Variants in EXOG observed in about 807,000 individuals in gnomAD.
EXOG encodes exo/endonuclease G.
A neutral mutation model predicts 25.8 loss-of-function variants in EXOG; 27 were observed. That is an observed-to-expected ratio of 1.05 (90% confidence interval 0.77 to 1.45). The LOEUF is 1.45. Among genes scored for constraint, EXOG ranks in the 40% most tolerant of loss-of-function variants. EXOG has a pLI of 0.00. For missense variants in EXOG, 458 were observed against 450.5 expected (o/e 1.02, Z -0.15); for synonymous variants, 133 against 167.0 (o/e 0.80, Z 1.57).
chr3:38,503,862 C>T (rs1451107264), intron 4 of EXOG, among the ~76,000 whole-genome samples, 171 bp downstream of exon 4: 1 of 152,154 alleles, frequency 6.6e-6, no homozygotes, highest in African/African-American at 2.4e-5. Flanking sequence ...GTACAGCCTT[C>T]TACAGAAGAT....
In EXOG at chr3:38,526,030, C is replaced by T. The variant is rs1007010721; in HGVS notation, c.*1668C>T. 7 of 985,252 alleles carry T rather than the reference C, an allele frequency of 7.1e-6. No individual in the cohort carries two copies. Among genetic ancestry groups the T allele is most frequent in the Non-Finnish European group, 8.4e-6 (7 of 829,880 alleles). The allele number at this position is 985,252 out of a possible 1,614,324, so 61.0% of individuals were successfully genotyped here. On this transcript the variant is annotated 3_prime_UTR_variant, in exon 6 of 6. Transcript: ENST00000287675. ...CCTGTGTGCCTGCTTGTCTACCTAGCATAGTAGGCCAAAGGTCCAAAGGCA... is the reference window on the plus strand; with the variant it reads ...CCTGTGTGCCTGCTTGTCTACCTAGTATAGTAGGCCAAAGGTCCAAAGGCA...
chr3:38,506,841 A>T lies in EXOG; in HGVS notation c.531-13A>T, dbSNP rs933376538. On this transcript the variant is annotated splice_polypyrimidine_tract_variant and intron_variant, in intron 4 of 5. Transcript: ENST00000287675. Reference sequence around the variant, plus strand: ...ATGTGAGAATATCATACATTTTTTTATTTGTTTTTCAGAATAGAAATGTAC... The same window carrying T: ...ATGTGAGAATATCATACATTTTTTTTTTTGTTTTTCAGAATAGAAATGTAC... 6.0e-6 allele frequency: 8 copies of T among 1,331,226 alleles called. No homozygotes were observed. The highest frequency in any genetic ancestry group is 4.3e-5 in the African/African-American group (3 of 69,138). 82.5% of individuals were successfully genotyped at this position (1,331,226 alleles called of 1,614,324 possible).
intron 2 of EXOG, chr3:38,498,836 G>A (rs2059966603): frequency 2.3e-6 from 1 of 435,798 alleles, no homozygotes; most frequent in Non-Finnish European, 4.7e-6. Flanking sequence ...GAAGTAAGCA[G>A]GTGTGTCAGT....
At chr3:38,514,778 C>CCCTCTT (rs552262186) in intron 5 of EXOG, among the ~76,000 whole-genome samples, 1 of 113,608 alleles carries the variant, frequency 8.8e-6, no homozygotes, top group Non-Finnish European at 1.7e-5. Context: ...CCTCCCCCTG[C>CCCTCTT]TTTTTTTTTT....
At chr3:38,501,189 C>T in intron 2 of EXOG, 166 bp from the exon 3 acceptor site, 1 of 595,128 alleles carries the variant, frequency 1.7e-6, no homozygotes, top group Non-Finnish European at 3.0e-6. Flanking sequence ...TTTCTAAATT[C>T]AGATGAAGTA....
In EXOG at chr3:38,524,112, G is replaced by T; in HGVS notation, c.857G>T (p.Arg286Ile). 6.2e-7 allele frequency: 1 copy of T among 1,613,824 alleles called. No individual in the cohort carries two copies. The highest frequency in any genetic ancestry group is 1.1e-5 in the South Asian group (1 of 91,070). The change falls in exon 6 of 6, where the codon AGA becomes ATA. Residue 286 changes from arginine (R) to isoleucine (I), a missense_variant. Arg to Ile is a moderately conservative substitution (Grantham distance 97). Around this residue, in one of 3 missense-constraint regions of EXOG, gnomAD observed 178 missense variants for 203.7 expected, o/e 0.87. Transcript: ENST00000287675. ...CTGGTGTTTTTTCCTCATTTGGATAGAACTAGTGATATCCGGAATATCTGC... is the reference window on the plus strand; with the variant it reads ...CTGGTGTTTTTTCCTCATTTGGATATAACTAGTGATATCCGGAATATCTGC... ...SGLVFFPHLD[R>I]TSDIRNICSV...
intron 5 of EXOG, among the ~76,000 whole-genome samples, chr3:38,511,543 C>T (rs1197713269): frequency 1.3e-5 from 2 of 152,178 alleles, no homozygotes; most frequent in African/African-American, 4.8e-5. Context: ...GTTAATTTGA[C>T]ATGTCTCCTC....
At chr3:38,503,774 GTTT>G in intron 4 of EXOG, 83 bp downstream of exon 4, 1 of 797,796 alleles carries the variant, frequency 1.3e-6, no homozygotes, top group Non-Finnish European at 2.1e-6. Flanking sequence ...CCTATTAGCT[GTTT>G]CTGTCTTTGT....
chr3:38,496,377 A>C lies in EXOG; in HGVS notation c.10A>C (p.Lys4Gln). 6.2e-7 allele frequency: 1 copy of C among 1,613,488 alleles called. No homozygotes were observed. The highest frequency in any genetic ancestry group is 1.3e-5 in the African/African-American group (1 of 75,026). MAI[K>Q]SIASRLRGSR... Reference sequence around the variant, plus strand: ...CGGTACCTCGGGCAAGATGGCTATCAAGAGTATCGCTTCCCGCCTCCGGGG... The same window carrying C: ...CGGTACCTCGGGCAAGATGGCTATCCAGAGTATCGCTTCCCGCCTCCGGGG... Residue 4 changes from lysine (K) to glutamine (Q), a missense_variant, in exon 1 of 6, where the codon AAG becomes CAG. Around this residue, in one of 3 missense-constraint regions of EXOG, gnomAD observed 275 missense variants for 230.5 expected, o/e 1.19. Transcript: ENST00000287675.
intron 5 of EXOG, chr3:38,515,306 GAGA>G (rs1009822042): frequency 6.6e-6 from 1 of 152,254 alleles, no homozygotes; most frequent in Non-Finnish European, 1.5e-5. Flanking sequence ...CTTGAGGATG[GAGA>G]AGAAGAGGAT....
At chr3:38,507,020 C>A in intron 5 of EXOG, 52 bp downstream of exon 5, 1 of 783,470 alleles carries the variant, frequency 1.3e-6, no homozygotes, top group South Asian at 1.6e-5. Context: ...ATTATAATCT[C>A]ACTTTCCATT....
chr3:38,503,680 A>G lies in EXOG; in HGVS notation c.519A>G (p.Gly173=). 10 of 1,582,620 alleles carry G rather than the reference A, an allele frequency of 6.3e-6. No individual in the cohort carries two copies. Among genetic ancestry groups the G allele is most frequent in the Non-Finnish European group, 8.7e-6 (10 of 1,152,190 alleles). The change falls in exon 4 of 6, where the codon GGA becomes GGG. Residue 173 remains glycine, a synonymous_variant. Transcript: ENST00000287675. ...CTCAGGATTTTGATAATAATTCTGG[A>G]TATTGGAACAGGTGAGGGATGAGAG... is the stretch of plus-strand genomic sequence containing the variant. ...IVPQDFDNNS[G]YWNRIEMYCR... is the part of the protein sequence containing the mutation.
intron 2 of EXOG, 111 bp downstream of exon 2, chr3:38,497,889 G>A: frequency 7.6e-7 from 1 of 1,321,914 alleles, no homozygotes; most frequent in Non-Finnish European, 1.0e-6. Flanking sequence ...CATAGCACAT[G>A]TAGAAAATTA....
intron 5 of EXOG, among the ~76,000 whole-genome samples, chr3:38,508,743 G>A (rs1480281197): frequency 1.4e-5 from 2 of 143,212 alleles, no homozygotes; most frequent in African/African-American, 2.7e-5. Context: ...AAAACTTTTA[G>A]AGTATATTCT....
chr3:38,502,117 C>T (rs896409130), intron 3 of EXOG, among the ~76,000 whole-genome samples: 4 of 152,152 alleles, frequency 2.6e-5, no homozygotes, highest in African/African-American at 7.2e-5. Flanking sequence ...GATGGGGTTT[C>T]ACCACGTTGG....
chr3:38,502,385 ATGCC>A (rs201308436), intron 3 of EXOG, among the ~76,000 whole-genome samples: 3,356 of 152,298 alleles, frequency 0.022, 58 homozygotes, highest in Non-Finnish European at 0.03. Context: ...ATGTTTCATC[ATGCC>A]TGGCTAATTT....
intron 5 of EXOG, among the ~76,000 whole-genome samples, chr3:38,512,346 G>C (rs2060396523): frequency 6.6e-6 from 1 of 152,114 alleles, no homozygotes; most frequent in Non-Finnish European, 1.5e-5. Context: ...ACAGTACAAA[G>C]CAGCATGAAA....
chr3:38,520,837 A>G (rs2060694415), intron 5 of EXOG, among the ~76,000 whole-genome samples: 1 of 152,230 alleles, frequency 6.6e-6, no homozygotes. Context: ...AAGAAACAAG[A>G]AATGGGTGGA....
intron 5 of EXOG, among the ~76,000 whole-genome samples, chr3:38,520,734 T>C (rs2060690735): frequency 6.6e-6 from 1 of 152,252 alleles, no homozygotes; most frequent in African/African-American, 2.4e-5. Flanking sequence ...TAACATGTCA[T>C]TGTATCTTCA....
Sources: gnomAD v4.1 joint callset for allele counts (sites outside exome capture counted in the v4.1 genomes callset) on GRCh38, gnomAD v4.1.1 for gene constraint, gnomAD v4.1.1 regional missense constraint, MANE v1.5 for transcripts, NCBI Gene and HGNC (gene_info 2026-07-23, HGNC 2026-07-21) for gene names.